HTATIP2: variants seen among roughly 807,000 people sequenced by gnomAD.
The protein encoded by HTATIP2 is protein HTATIP2.
HTATIP2 carries 26 observed loss-of-function variants against 24.7 expected under a neutral mutation model. The ratio of observed to expected loss-of-function variants is 1.05; its 90% CI spans 0.77 to 1.46. The LOEUF (loss-of-function observed/expected upper bound fraction) is 1.46. Among genes scored for constraint, HTATIP2 ranks in the 40% most tolerant of loss-of-function variants. The pLI, the probability that HTATIP2 is intolerant of heterozygous loss-of-function variation, is 0.00. For synonymous variants in HTATIP2, 99 were observed against 113.2 expected (o/e 0.87, Z 0.79); for missense variants, 284 against 289.6 (o/e 0.98, Z 0.14).
rs14222 is a variant in HTATIP2, at chr11:20,383,161, G to C, written c.685G>C (p.Ala229Pro). The change falls in exon 5 of 5, where the codon GCC (alanine) becomes CCC (proline). Residue 229 changes from alanine (A) to proline (P), a missense_variant. By Grantham distance (27) the Ala-to-Pro change is conservative (BLOSUM62 -1). Transcript: ENST00000451739. ...DKQMELLENKAIHDLGKAHGS... is the reference protein window; with the variant it reads ...DKQMELLENKPIHDLGKAHGS... ...GCAGATGGAACTGCTGGAGAACAAG[G>C]CCATCCATGACCTGGGGAAAGCGCA... is the stretch of plus-strand genomic sequence containing the variant. 2 of 1,613,760 alleles carry C rather than the reference G, an allele frequency of 1.2e-6. No homozygotes were observed. The highest frequency in any genetic ancestry group is 2.7e-5 in the African/African-American group (2 of 74,864).
chr11:20,364,130 G>A lies in HTATIP2; in HGVS notation c.-108G>A. The A allele has an allele frequency of 3.4e-6, 5 of 1,465,280 alleles. No homozygotes were observed. The highest frequency in any genetic ancestry group is 4.5e-6 in the Non-Finnish European group (5 of 1,105,860). 90.8% of individuals were successfully genotyped at this position (1,465,280 alleles called of 1,614,324 possible). A position where few individuals can be genotyped will look rare whatever the true frequency, so the allele number is the denominator to read the frequency against. ...CTTTCCCCAGAGCCCGGACTGCGGAGAACAATATCCTCCTCCCTAACAGAT... is the reference window on the plus strand; with the variant it reads ...CTTTCCCCAGAGCCCGGACTGCGGAAAACAATATCCTCCTCCCTAACAGAT... On this transcript the variant is annotated 5_prime_UTR_variant, in exon 1 of 5. Coordinates refer to ENST00000451739, the MANE Select transcript of HTATIP2 (RefSeq NM_001098522.2).
At chr11:20,382,038 C>A in intron 3 of HTATIP2, 140 bp from the exon 4 acceptor site, 1 of 585,098 alleles carries the variant, frequency 1.7e-6, no homozygotes, top group Non-Finnish European at 3.0e-6. Flanking sequence ...TCCTTGGAAC[C>A]TAAAATTCTA....
intron 2 of HTATIP2, among the ~76,000 whole-genome samples, chr11:20,372,201 A>G (rs2064779195): frequency 6.6e-6 from 1 of 152,212 alleles, no homozygotes; most frequent in African/African-American, 2.4e-5. Flanking sequence ...TTCCTGCTTC[A>G]GCCTCCTGAG....
intron 4 of HTATIP2, 29 bp downstream of exon 4, chr11:20,382,268 G>A (rs1345481186): frequency 2.4e-6 from 3 of 1,271,102 alleles, no homozygotes; most frequent in Non-Finnish European, 3.4e-6. Flanking sequence ...CTGAATGAGA[G>A]TATGCCACTG....
chr11:20,379,860 A>G (rs1352902967), intron 3 of HTATIP2, among the ~76,000 whole-genome samples: 1 of 152,234 alleles, frequency 6.6e-6, no homozygotes, highest in Non-Finnish European at 1.5e-5. Flanking sequence ...GTAATTCACT[A>G]GAAGGTTTCA....
chr11:20,370,718 C>T (rs1016321965), intron 2 of HTATIP2, among the ~76,000 whole-genome samples: 5 of 152,248 alleles, frequency 3.3e-5, no homozygotes, highest in East Asian at 3.9e-4. Context: ...GGCGCAATCT[C>T]GGCTCACTGC....
chr11:20,382,993 G>A lies in HTATIP2; in HGVS notation c.517G>A (p.Asp173Asn). The change falls in exon 5 of 5, where the codon GAT (aspartate) becomes AAT (asparagine). Residue 173 changes from aspartate to asparagine, a missense_variant. Physicochemically the swap from Asp to Asn is conservative, Grantham distance 23. Coordinates refer to ENST00000451739, the MANE Select transcript of HTATIP2 (RefSeq NM_001098522.2). ...TTTTTATTTTAGAGTTCTGTTATGT[G>A]ATAGGCAAGAATCTCGCCCAGGTGA... ...SVFRPGVLLC[D>N]RQESRPGEWL... 6.2e-7 allele frequency: 1 copy of A among 1,608,206 alleles called. No individual in the cohort carries two copies. The highest frequency in any genetic ancestry group is 8.5e-7 in the Non-Finnish European group (1 of 1,176,854).
intron 2 of HTATIP2, among the ~76,000 whole-genome samples, chr11:20,375,138 T>G (rs967008751): frequency 1.3e-5 from 2 of 152,146 alleles, no homozygotes; most frequent in African/African-American, 4.8e-5. Flanking sequence ...CCACTGGACC[T>G]TGGTTCCTGT....
In HTATIP2 at chr11:20,381,014, C is replaced by T. The variant is rs143060810; in HGVS notation, c.442-1164C>T. On this transcript the variant is annotated intron_variant, in intron 3 of 4. Coordinates refer to ENST00000451739, the MANE Select transcript of HTATIP2 (RefSeq NM_001098522.2). ...AGGTACATTAGTGGTTGACTAGGTC[C>T]CCAGAGGGTAGGGTACGAGGAGTGA... is the stretch of plus-strand genomic sequence containing the variant. Among the ~76,000 whole-genome samples, 9 of 152,058 alleles carry T rather than the reference C, an allele frequency of 5.9e-5. No homozygotes were observed. The East Asian group carries it at 1.7e-3, about 29-fold the overall frequency.
intron 2 of HTATIP2, 144 bp downstream of exon 2, chr11:20,367,425 A>G (rs942182559): frequency 6.5e-7 from 1 of 1,541,436 alleles, no homozygotes; most frequent in Non-Finnish European, 8.8e-7. Flanking sequence ...TGCTGCACTA[A>G]CCTTTGGTAT....
chr11:20,379,154 A>G (rs1021932291), intron 3 of HTATIP2, among the ~76,000 whole-genome samples: 11 of 152,256 alleles, frequency 7.2e-5, no homozygotes, highest in Non-Finnish European at 7.3e-5. Flanking sequence ...GCCACTAGCT[A>G]TTAAGTAATG....
intron 4 of HTATIP2, among the ~76,000 whole-genome samples, chr11:20,382,449 G>A (rs1217132481): frequency 6.6e-6 from 1 of 152,170 alleles, no homozygotes; most frequent in Non-Finnish European, 1.5e-5. Context: ...GGAACTTCCT[G>A]GACAGCATTT....
At chr11:20,372,473 A>G (rs1326318704) in intron 2 of HTATIP2, among the ~76,000 whole-genome samples, 2 of 152,232 alleles carry the variant, frequency 1.3e-5, no homozygotes, top group Non-Finnish European at 2.9e-5. Context: ...GGATATCTCT[A>G]CTGAGTGTAG....
intron 2 of HTATIP2, among the ~76,000 whole-genome samples, chr11:20,374,556 T>C (rs2133272458): frequency 6.6e-6 from 1 of 152,330 alleles, no homozygotes; most frequent in South Asian, 2.1e-4. Context: ...ATGTGGTAGC[T>C]GAGCCCTTCT....
At chr11:20,379,461 C>T (rs10766662) in intron 3 of HTATIP2, among the ~76,000 whole-genome samples, 115,246 of 152,132 alleles carry the variant, frequency 0.76, 45,470 homozygotes, top group Non-Finnish European at 0.88. Flanking sequence ...TATTTATTGC[C>T]TATTTTCTCA....
Position 20,364,408 on chromosome 11 carries a change from C to A in HTATIP2, c.171C>A (p.Phe57Leu), listed in dbSNP as rs1433820378. The A allele has an allele frequency of 3.1e-6, 5 of 1,608,284 alleles. No individual in the cohort carries two copies. The East Asian group carries it at 6.7e-5, about 22-fold the overall frequency. ...TCATTGGCCGGAGGAAGCTCACCTT[C>A]GACGAGGAAGCTTATAAAAATGTGG... ...VTLIGRRKLTFDEEAYKNVNQ... is the reference protein window; with the variant it reads ...VTLIGRRKLTLDEEAYKNVNQ... The change falls in exon 1 of 5, where the codon TTC becomes TTA. Residue 57 changes from phenylalanine (F) to leucine (L), a missense_variant. Transcript: ENST00000451739.
chr11:20,381,634 GCTC>G (rs1848523063), intron 3 of HTATIP2, among the ~76,000 whole-genome samples: 1 of 152,110 alleles, frequency 6.6e-6, no homozygotes, highest in Non-Finnish European at 1.5e-5. Context: ...TGTGGGCTGA[GCTC>G]CTCAGGCATT....
At chr11:20,367,558 C>A in intron 2 of HTATIP2, 1 of 1,413,998 alleles carries the variant, frequency 7.1e-7, no homozygotes, top group Non-Finnish European at 9.2e-7. Flanking sequence ...CACTACATCC[C>A]CTGACTAAGG....
In HTATIP2 at chr11:20,363,979, T is replaced by A; in HGVS notation, c.-259T>A. The A allele has an allele frequency of 8.0e-7, 1 of 1,252,400 alleles. No individual in the cohort carries two copies. The highest frequency in any genetic ancestry group is 1.0e-6 in the Non-Finnish European group (1 of 997,494). 77.6% of individuals were successfully genotyped at this position (1,252,400 alleles called of 1,614,324 possible). On this transcript the variant is annotated 5_prime_UTR_variant, in exon 1 of 5. Coordinates refer to ENST00000451739, the MANE Select transcript of HTATIP2 (RefSeq NM_001098522.2). ...TGGCCGGGCCGGGGATACCGTGGGGTATGCCCAGTGATGCCAGCAGCTTGT... is the reference window on the plus strand; with the variant it reads ...TGGCCGGGCCGGGGATACCGTGGGGAATGCCCAGTGATGCCAGCAGCTTGT...
Sources: allele counts gnomAD v4.1 joint callset (sites outside exome capture counted in the v4.1 genomes callset), GRCh38; gene constraint gnomAD v4.1.1; transcripts MANE v1.5; gene names NCBI Gene and HGNC (gene_info 2026-07-23, HGNC 2026-07-21).